AKT3: variants seen among roughly 807,000 people sequenced by gnomAD.
AKT3 encodes the protein AKT serine/threonine kinase 3.
A neutral mutation model predicts 65.3 loss-of-function variants in AKT3; 15 were observed. The ratio of observed to expected loss-of-function variants is 0.23; its 90% CI spans 0.15 to 0.35. AKT3 has a LOEUF of 0.35. AKT3 is among the 10% of genes least tolerant of loss of function. The pLI is 1.00. For synonymous variants in AKT3, 206 were observed against 183.8 expected (o/e 1.12, Z -0.98); for missense variants, 243 against 576.5 (o/e 0.42, Z 5.92).
At chr1:243,568,321 T>C (rs1483005031) in intron 9 of AKT3, among the ~76,000 whole-genome samples, 1 of 151,984 alleles carries the variant, frequency 6.6e-6, no homozygotes, top group Non-Finnish European at 1.5e-5. Context: ...CTAACAAAAG[T>C]AGTGATGAAG....
chr1:243,850,386 C>A (rs1695728244), upstream of AKT3, among the ~76,000 whole-genome samples: 1 of 151,098 alleles, frequency 6.6e-6, no homozygotes, highest in African/African-American at 2.4e-5. Flanking sequence ...ACATGGGAAT[C>A]GGATATCGGC....
intron 8 of AKT3, among the ~76,000 whole-genome samples, chr1:243,599,565 C>T (rs1478653676): frequency 2.0e-5 from 3 of 152,026 alleles, no homozygotes; most frequent in East Asian, 1.9e-4. Context: ...GAAAGTCTAC[C>T]GTGATGAGAA....
At chr1:243,792,732 G>T (rs1408123639) in intron 2 of AKT3, among the ~76,000 whole-genome samples, 2 of 152,164 alleles carry the variant, frequency 1.3e-5, no homozygotes, top group Admixed American at 1.3e-4. Flanking sequence ...ACTTATCTCT[G>T]TAGGAAGAAA....
chr1:243,507,712 A>T (rs1397469056), intron 13 of AKT3, among the ~76,000 whole-genome samples: 1 of 152,234 alleles, frequency 6.6e-6, no homozygotes, highest in East Asian at 1.9e-4. Context: ...TACTTGCTAC[A>T]TCCCTTGAAT....
intron 3 of AKT3, among the ~76,000 whole-genome samples, chr1:243,693,871 C>G (rs1684885618): frequency 6.6e-6 from 1 of 152,150 alleles, no homozygotes; most frequent in Non-Finnish European, 1.5e-5. Flanking sequence ...CTACAACTTA[C>G]TTGTTAGTTT....
intron 2 of AKT3, among the ~76,000 whole-genome samples, chr1:243,754,273 C>T (rs190744803): frequency 2.4e-4 from 37 of 152,296 alleles, no homozygotes; most frequent in African/African-American, 7.2e-4. Context: ...AGTCTCATGG[C>T]CCTCTGTACT....
chr1:243,611,986 C>T lies in AKT3; in HGVS notation c.696+1685G>A, dbSNP rs372744538. ...TCACTATGCATTCTAATTTGTAATA[C>T]ACTAAGGGAAGTTATATACTCCTTC... On this transcript the variant is annotated intron_variant, in intron 8 of 13. Transcript: ENST00000673466. Among the ~76,000 whole-genome samples, 6 of 152,296 alleles carry T rather than the reference C, an allele frequency of 3.9e-5. No individual in the cohort carries two copies. In the East Asian group the frequency reaches 7.7e-4, roughly 20 times the overall value.
intron 2 of AKT3, among the ~76,000 whole-genome samples, chr1:243,720,108 G>T (rs1347497474): frequency 1.3e-5 from 2 of 152,016 alleles, no homozygotes; most frequent in African/African-American, 4.8e-5. Context: ...AGATCAGGAG[G>T]TCAAGACCAG....
chr1:243,850,759 A>G (rs962856394), upstream of AKT3, among the ~76,000 whole-genome samples: 1 of 149,358 alleles, frequency 6.7e-6, no homozygotes, highest in African/African-American at 2.4e-5. Context: ...CGCGCCCCCA[A>G]ACCAGCGGTG....
intron 10 of AKT3, among the ~76,000 whole-genome samples, chr1:243,563,281 T>C (rs1673921340): frequency 6.6e-6 from 1 of 152,212 alleles, no homozygotes; most frequent in African/African-American, 2.4e-5. Context: ...AAAATGTAGC[T>C]ACTGTCATTT....
At chr1:243,654,022 G>A (rs1008496297) in intron 4 of AKT3, among the ~76,000 whole-genome samples, 2 of 150,588 alleles carry the variant, frequency 1.3e-5, no homozygotes, top group African/African-American at 4.9e-5. Flanking sequence ...GTCTTTTTTT[G>A]CAATTATTTT....
chr1:243,651,775 G>A (rs2147868347), intron 4 of AKT3, among the ~76,000 whole-genome samples: 1 of 152,286 alleles, frequency 6.6e-6, no homozygotes, highest in East Asian at 1.9e-4. Flanking sequence ...GCTTTCTGAT[G>A]TGCTGCTGGA....
chr1:243,667,187 G>A (rs1407388845), intron 3 of AKT3, among the ~76,000 whole-genome samples: 1 of 152,194 alleles, frequency 6.6e-6, no homozygotes, highest in East Asian at 1.9e-4. Flanking sequence ...GTTTTCCACT[G>A]CTATAATTCT....
intron 6 of AKT3, among the ~76,000 whole-genome samples, chr1:243,622,635 C>A (rs1678844416): frequency 6.6e-6 from 1 of 152,086 alleles, no homozygotes; most frequent in Non-Finnish European, 1.5e-5. Context: ...GTGCATGCTG[C>A]TGAAGAATAG....
intron 6 of AKT3, among the ~76,000 whole-genome samples, chr1:243,623,287 T>C (rs894266335): frequency 2.0e-5 from 3 of 152,160 alleles, no homozygotes; most frequent in Non-Finnish European, 4.4e-5. Flanking sequence ...ACACCAAGGC[T>C]CAGGTAAGCT....
At chr1:243,509,691 C>T (rs1195159238) in intron 13 of AKT3, among the ~76,000 whole-genome samples, 1 of 152,052 alleles carries the variant, frequency 6.6e-6, no homozygotes, top group Non-Finnish European at 1.5e-5. Flanking sequence ...TGGACTGGCC[C>T]ACAGCATACA....
intron 4 of AKT3, 123 bp from the exon 5 acceptor site, chr1:243,646,160 G>A (rs1278371201): frequency 1.9e-5 from 15 of 776,216 alleles, no homozygotes; most frequent in Non-Finnish European, 2.9e-5. Flanking sequence ...ACTCAACACA[G>A]ATAAGCATAC....
At chr1:243,497,025 C>T (rs571939260), downstream of AKT3, among the ~76,000 whole-genome samples, 1 of 152,280 alleles carries the variant, frequency 6.6e-6, no homozygotes, top group Non-Finnish European at 1.5e-5. Flanking sequence ...AATGGAAGGG[C>T]AGAAGGACGG....
rs115706945 is a variant in AKT3 at position 243,692,449 on chromosome 1, T to C, written c.172+3142A>G. On this transcript the variant is annotated intron_variant, in intron 3 of 13. Coordinates refer to ENST00000673466, the MANE Select transcript of AKT3 (RefSeq NM_005465.7). Reference sequence around the variant, plus strand: ...TCCCTAAACATAAAAATACACAAGTTTGGCCAGGCATGGTGGCTCATGCCT... The same window carrying C: ...TCCCTAAACATAAAAATACACAAGTCTGGCCAGGCATGGTGGCTCATGCCT... Among the ~76,000 whole-genome samples the C allele has an allele frequency of 4.7e-3, 720 of 152,120 alleles. 5 individuals carry two copies. Among genetic ancestry groups the C allele is most frequent in the African/African-American group, 0.017 (696 of 41,494 alleles).
Sources: gnomAD v4.1 joint callset for allele counts (sites outside exome capture counted in the v4.1 genomes callset) on GRCh38, gnomAD v4.1.1 for gene constraint, MANE v1.5 for transcripts, NCBI Gene and HGNC (gene_info 2026-07-23, HGNC 2026-07-21) for gene names.